RUNX1T1: variants seen among roughly 807,000 people sequenced by gnomAD.
RUNX1T1 encodes protein CBFA2T1.
In RUNX1T1, 4 loss-of-function variants were observed where a neutral mutation model predicts 62.8. The observed-to-expected ratio is 0.06, with a 90% CI of 0.03 to 0.15. RUNX1T1 has a LOEUF of 0.15. Among genes scored for constraint, RUNX1T1 ranks in the 10% least tolerant of loss-of-function variants. The pLI is 1.00. For missense variants in RUNX1T1, 508 were observed against 754.3 expected (o/e 0.67, Z 3.82); for synonymous variants, 291 against 286.0 (o/e 1.02, Z -0.18).
At chr8:92,075,906 G>C in intron 2 of RUNX1T1, 59 bp downstream of exon 2, 2 of 1,421,012 alleles carry the variant, frequency 1.4e-6, no homozygotes, top group Admixed American at 2.0e-5. Flanking sequence ...GGAAAAAATA[G>C]ATTGATTTTT....
intron 1 of RUNX1T1, among the ~76,000 whole-genome samples, chr8:92,041,177 G>A (rs1828373099): frequency 6.6e-6 from 1 of 152,132 alleles, no homozygotes; most frequent in South Asian, 2.1e-4. Context: ...GCTTTAAAAA[G>A]AATAAATAAT....
chr8:92,024,345 C>T (rs572683854), intron 1 of RUNX1T1, among the ~76,000 whole-genome samples: 2 of 151,850 alleles, frequency 1.3e-5, no homozygotes, highest in East Asian at 3.9e-4. Flanking sequence ...CCTGTCTCTA[C>T]AAAAAATACA....
At chr8:92,000,779 A>T (rs567661586) in intron 5 of RUNX1T1, among the ~76,000 whole-genome samples, 4 of 152,332 alleles carry the variant, frequency 2.6e-5, no homozygotes, top group South Asian at 4.1e-4. Flanking sequence ...TGTCGTTAAA[A>T]ATATATATAA....
chr8:92,003,098 C>A (rs1203115999), intron 5 of RUNX1T1, among the ~76,000 whole-genome samples: 5 of 152,170 alleles, frequency 3.3e-5, no homozygotes, highest in Admixed American at 6.5e-5. Context: ...CAAAGATTAA[C>A]CATGTGAACT....
intron 5 of RUNX1T1, chr8:91,994,590 G>A (rs548083972): frequency 2.8e-5 from 14 of 497,156 alleles, no homozygotes; most frequent in South Asian, 1.5e-4. Flanking sequence ...CCTTGGTCAA[G>A]TCACTTAACC....
exon 1 of RUNX1T1, chr8:92,062,888 C>T: frequency 5.9e-6 from 8 of 1,350,002 alleles, no homozygotes; most frequent in Non-Finnish European, 7.6e-6. Context: ...CTCCACCTCT[C>T]TCTGCAAGTT....
chr8:92,024,088 T>C (rs1211908971), intron 1 of RUNX1T1, among the ~76,000 whole-genome samples: 1 of 152,146 alleles, frequency 6.6e-6, no homozygotes, highest in Admixed American at 6.5e-5. Context: ...ACTTGTCATA[T>C]CCGTAAAATT....
Position 92,024,497 on chromosome 8 carries a change from C to CAAAAAAAAAAAAAA in RUNX1T1, c.8-7148_8-7135dup, listed in dbSNP as rs34547904. ...GGGGTAACAGAGTGAAACCCCAACT[C>CAAAAAAAAAAAAAA]AAAAAAAAAAAAAAAAAAAAAAAAA... On this transcript the variant is annotated intron_variant, in intron 1 of 10. Transcript: ENST00000396218. Among the ~76,000 whole-genome samples the CAAAAAAAAAAAAAA allele has an allele frequency of 2.3e-4, 4 of 17,546 alleles. 1 individual carries two copies. The highest frequency in any genetic ancestry group is 3.4e-4 in the Non-Finnish European group (3 of 8,718). The allele number at this position is 17,546 out of a possible 152,430, so 11.5% of individuals were successfully genotyped here.
At chr8:92,065,755 C>T (rs896587482), upstream of RUNX1T1, among the ~76,000 whole-genome samples, 4 of 152,190 alleles carry the variant, frequency 2.6e-5, no homozygotes, top group East Asian at 5.8e-4. Context: ...TTCAGGAAAG[C>T]TCTCTACATT....
At chr8:92,046,087 T>C (rs1829348348) in intron 1 of RUNX1T1, among the ~76,000 whole-genome samples, 1 of 152,156 alleles carries the variant, frequency 6.6e-6, no homozygotes, top group Non-Finnish European at 1.5e-5. Flanking sequence ...CACAGATATT[T>C]CACCCCTACC....
chr8:92,064,500 G>A (rs1486423877), upstream of RUNX1T1, among the ~76,000 whole-genome samples: 1 of 152,154 alleles, frequency 6.6e-6, no homozygotes, highest in Admixed American at 6.5e-5. Flanking sequence ...GCAGGCATGA[G>A]TGTGATAATC....
intron 1 of RUNX1T1, among the ~76,000 whole-genome samples, chr8:92,028,545 T>C (rs1163829307): frequency 2.6e-5 from 4 of 152,210 alleles, no homozygotes; most frequent in African/African-American, 7.2e-5. Flanking sequence ...TAGCTTCAAA[T>C]AGGTGAAGTC....
chr8:91,964,849 A>C (rs1276815041), intron 10 of RUNX1T1, among the ~76,000 whole-genome samples: 1 of 152,182 alleles, frequency 6.6e-6, no homozygotes, highest in Non-Finnish European at 1.5e-5. Context: ...TGAAAATGGC[A>C]CAGGCTTCAA....
intron 1 of RUNX1T1, among the ~76,000 whole-genome samples, chr8:92,037,080 T>C (rs903824269): frequency 2.0e-5 from 3 of 152,184 alleles, no homozygotes; most frequent in African/African-American, 7.2e-5. Context: ...CCTCATCGCC[T>C]CATGAAATAA....
intron 1 of RUNX1T1, among the ~76,000 whole-genome samples, chr8:92,059,520 C>A (rs1831569606): frequency 1.3e-5 from 2 of 152,140 alleles, no homozygotes; most frequent in Admixed American, 1.3e-4. Context: ...CCATGTTTTA[C>A]AATCAGCAAT....
At chr8:92,044,853 C>T (rs1309021306) in intron 1 of RUNX1T1, among the ~76,000 whole-genome samples, 2 of 152,148 alleles carry the variant, frequency 1.3e-5, no homozygotes, top group African/African-American at 4.8e-5. Flanking sequence ...TATTACCCTC[C>T]ACCTGGAAAC....
At chr8:92,076,062 A>G in exon 2 of RUNX1T1, 1 of 1,608,248 alleles carries the variant, frequency 6.2e-7, no homozygotes, top group Non-Finnish European at 8.5e-7. Context: ...TTCTCCACCA[A>G]TCGCTCTGCT....
chr8:92,080,082 C>A (rs569774301), intron 1 of RUNX1T1, among the ~76,000 whole-genome samples: 2 of 151,920 alleles, frequency 1.3e-5, no homozygotes, highest in African/African-American at 4.8e-5. Flanking sequence ...CTTTCTCCCT[C>A]CCCCACCCAA....
chr8:92,022,801 A>G lies in RUNX1T1; in HGVS notation c.8-5438T>C, dbSNP rs549456481. Among the ~76,000 whole-genome samples, 20 of 152,390 alleles carry G rather than the reference A, an allele frequency of 1.3e-4. No individual in the cohort carries two copies. The South Asian group carries it at 3.9e-3, about 30-fold the overall frequency. ...TTTTATGAATAGCATTTTTGCTGAA[A>G]CACAAATAGGATCTTACCTATTCTC... On this transcript the variant is annotated intron_variant, in intron 1 of 10. Coordinates refer to ENST00000396218, the Ensembl canonical transcript of RUNX1T1.
Sources: allele counts gnomAD v4.1 joint callset (sites outside exome capture counted in the v4.1 genomes callset), GRCh38; gene constraint gnomAD v4.1.1; transcripts MANE v1.5; gene names NCBI Gene and HGNC (gene_info 2026-07-23, HGNC 2026-07-21).